L2HGDH: variants seen among roughly 807,000 people sequenced by gnomAD.
L2HGDH encodes L-2-hydroxyglutarate dehydrogenase, mitochondrial.
Under a neutral mutation model 51.5 loss-of-function variants are expected in L2HGDH, and 34 were observed. The observed-to-expected ratio is 0.66, with a 90% CI of 0.50 to 0.88. The LOEUF (loss-of-function observed/expected upper bound fraction) is 0.88, where lower values mean the gene tolerates loss of function less well. L2HGDH is among the 40% of genes least tolerant of loss of function. L2HGDH has a pLI of 0.00. For missense variants in L2HGDH, 558 were observed against 571.9 expected, an observed-to-expected ratio of 0.98 and a Z score of 0.25; for synonymous variants, 198 against 197.9, an observed-to-expected ratio of 1.00 and a Z score of -0.01.
rs71118865 is a variant in L2HGDH at position 50,308,388 on chromosome 14, GA to G, written c.140+3622del. On this transcript the variant is annotated intron_variant, in intron 1 of 9. Transcript: ENST00000267436. ...GGCAACAAGGCGAAACTCCATCTCA[GA>G]AAAAAAAAAAAAAAAAAAGTGGGCA... 2.8e-3 allele frequency among the ~76,000 whole-genome samples: 371 copies of G among 131,520 alleles called. 1 individual carries two copies. Among genetic ancestry groups the G allele is most frequent in the South Asian group, 8.9e-3 (36 of 4,026 alleles). The allele number at this position is 131,520 out of a possible 152,430, so 86.3% of individuals were successfully genotyped here. A position where few individuals can be genotyped will look rare whatever the true frequency, so the allele number is the denominator to read the frequency against.
chr14:50,277,729 C>T (rs1424671684), intron 6 of L2HGDH, among the ~76,000 whole-genome samples: 1 of 150,964 alleles, frequency 6.6e-6, no homozygotes, highest in Non-Finnish European at 1.5e-5. Flanking sequence ...GCCAAGACTG[C>T]ACCAATGGAC....
intron 4 of L2HGDH, among the ~76,000 whole-genome samples, chr14:50,293,671 T>A (rs2029878318): frequency 6.6e-6 from 1 of 152,158 alleles, no homozygotes; most frequent in South Asian, 2.1e-4. Context: ...TATCCGCCTA[T>A]CGTATAGATC....
At chr14:50,263,766 C>T (rs116713532) in intron 9 of L2HGDH, among the ~76,000 whole-genome samples, 2 of 138,124 alleles carry the variant, frequency 1.4e-5, no homozygotes, top group East Asian at 4.5e-4. Context: ...GTCTAGAAAG[C>T]CTTTTATCTT....
intron 4 of L2HGDH, chr14:50,293,130 T>C (rs889185773): frequency 3.0e-6 from 2 of 667,206 alleles, no homozygotes; most frequent in Non-Finnish European, 5.4e-6. Context: ...ATGGCTATTA[T>C]AATTAAACAT....
chr14:50,278,674 A>G lies in L2HGDH; in HGVS notation c.704-120T>C, dbSNP rs559396642. On this transcript the variant is annotated intron_variant, in intron 5 of 9. Coordinates refer to ENST00000267436, the MANE Select transcript of L2HGDH (RefSeq NM_024884.3). ...TGTCATTACTATGATTGCACCTTAC[A>G]GTTCATTCTGAAACTTTTTACCAAA... 26 of 620,892 alleles carry G rather than the reference A, an allele frequency of 4.2e-5. No individual in the cohort carries two copies. The South Asian group carries it at 4.4e-4, about 10-fold the overall frequency. 38.5% of individuals were successfully genotyped at this position (620,892 alleles called of 1,614,324 possible). A position where few individuals can be genotyped will look rare whatever the true frequency, so the allele number is the denominator to read the frequency against.
At chr14:50,282,681 T>A (rs1019101242) in intron 5 of L2HGDH, among the ~76,000 whole-genome samples, 1 of 152,166 alleles carries the variant, frequency 6.6e-6, no homozygotes, top group Non-Finnish European at 1.5e-5. Flanking sequence ...GTAATAATGG[T>A]ACCCTGCCAC....
At chr14:50,292,264 T>G (rs903138506) in intron 4 of L2HGDH, among the ~76,000 whole-genome samples, 9 of 152,224 alleles carry the variant, frequency 5.9e-5, no homozygotes, top group African/African-American at 2.2e-4. Flanking sequence ...ACAGATTCAT[T>G]GCAATCTCAG....
chr14:50,294,800 T>C (rs1054748718), intron 3 of L2HGDH, among the ~76,000 whole-genome samples: 1 of 152,248 alleles, frequency 6.6e-6, no homozygotes, highest in Admixed American at 6.5e-5. Flanking sequence ...TCAACTTATT[T>C]ATTTCTTTTC....
At chr14:50,295,523 C>T (rs919687750) in intron 3 of L2HGDH, among the ~76,000 whole-genome samples, 3 of 151,548 alleles carry the variant, frequency 2.0e-5, no homozygotes, top group Admixed American at 6.6e-5. Context: ...TCTCCCACCT[C>T]GGCCTCCCTA....
chr14:50,279,441 T>C (rs1890138710), intron 5 of L2HGDH, among the ~76,000 whole-genome samples: 1 of 152,210 alleles, frequency 6.6e-6, no homozygotes, highest in Non-Finnish European at 1.5e-5. Context: ...CCTTAGGCTG[T>C]CATTCTGACA....
At position 50,243,685 on chromosome 14, in the gene L2HGDH, A is replaced by ATATT. The variant is rs1887886326; in HGVS notation, c.*3372_*3373insAATA. The ATATT allele has an allele frequency of 5.2e-6, 1 of 193,366 alleles. No homozygotes were observed. Among genetic ancestry groups the ATATT allele is most frequent in the Non-Finnish European group, 8.6e-6 (1 of 116,098 alleles). The allele number at this position is 193,366 out of a possible 1,614,324, so 12.0% of individuals were successfully genotyped here. Reference sequence around the variant, plus strand: ...ATTTTATATATATATATATATATATATTGTTTATTATTATACTTTAAGTTT... The same window carrying ATATT: ...ATTTTATATATATATATATATATATATATTTTGTTTATTATTATACTTTAAGTTT... On this transcript the variant is annotated 3_prime_UTR_variant, in exon 10 of 10. Coordinates refer to ENST00000267436, the MANE Select transcript of L2HGDH (RefSeq NM_024884.3).
intron 9 of L2HGDH, 101 bp downstream of exon 9, chr14:50,265,257 G>T: frequency 9.9e-7 from 1 of 1,010,420 alleles, no homozygotes; most frequent in Non-Finnish European, 1.5e-6. Context: ...TGCATATGCA[G>T]ACTGACTCTG....
rs1889526442 is a variant in L2HGDH at position 50,269,233 on chromosome 14, A to G, written c.836T>C (p.Val279Ala). 1.9e-6 allele frequency: 3 copies of G among 1,614,032 alleles called. No homozygotes were observed. Among genetic ancestry groups the G allele is most frequent in the Non-Finnish European group, 1.7e-6 (2 of 1,179,926 alleles). The change falls in exon 7 of 10, where the codon GTA becomes GCA. Residue 279 changes from valine (V) to alanine (A), a missense_variant. Transcript: ENST00000267436. ...AAGCAGGTAATCTCCCCGGAATGGT[A>G]CAATTCGAGGATCAGGAGTGCAGCC... ...LSGCTPDPRI[V>A]PFRGDYLLLK...
chr14:50,265,706 G>A (rs988650961), intron 8 of L2HGDH, among the ~76,000 whole-genome samples: 3 of 152,116 alleles, frequency 2.0e-5, no homozygotes, highest in Non-Finnish European at 4.4e-5. Context: ...TTGAGGTCAC[G>A]AGTTTGAAAC....
In L2HGDH at chr14:50,306,600, GTTTT is replaced by G. The variant is rs71118864; in HGVS notation, c.141-3587_141-3584del. 3.8e-5 allele frequency among the ~76,000 whole-genome samples: 5 copies of G among 133,218 alleles called. No homozygotes were observed. The South Asian group carries it at 9.4e-4, about 25-fold the overall frequency. The allele number at this position is 133,218 out of a possible 152,430, so 87.4% of individuals were successfully genotyped here. ...TTTTGGGGGGTTTTTTTGTTTTGGGGTTTTTTTTTTTTTTTTAGATGGAGACTAG... is the reference window on the plus strand; with the variant it reads ...TTTTGGGGGGTTTTTTTGTTTTGGGGTTTTTTTTTTTTAGATGGAGACTAG... On this transcript the variant is annotated intron_variant, in intron 1 of 9. Transcript: ENST00000267436.
Position 50,247,153 on chromosome 14 carries a change from G to T in L2HGDH, c.1297C>A (p.Leu433Ile), listed in dbSNP as rs762479336. ...AGVGDIGNRI[L>I]HVRNAPSPAA... ...GGAGAAGGTGCATTTCTCACATGAA[G>T]AATGCGATTTCCAATATCCCCAACT... The change falls in exon 10 of 10, where the codon CTT (leucine) becomes ATT (isoleucine). Residue 433 changes from leucine (L) to isoleucine (I), a missense_variant. Coordinates refer to ENST00000267436, the MANE Select transcript of L2HGDH (RefSeq NM_024884.3). The T allele has an allele frequency of 6.2e-7, 1 of 1,614,106 alleles. No homozygotes were observed. The highest frequency in any genetic ancestry group is 1.7e-5 in the Admixed American group (1 of 60,016).
chr14:50,258,253 T>C (rs979635961), intron 9 of L2HGDH, among the ~76,000 whole-genome samples: 1 of 152,052 alleles, frequency 6.6e-6, no homozygotes, highest in African/African-American at 2.4e-5. Context: ...CCTCACTCTG[T>C]CACCCAGGCT....
Position 50,304,760 on chromosome 14 carries a change from A to G in L2HGDH, c.141-1743T>C, listed in dbSNP as rs995149573. On this transcript the variant is annotated intron_variant, in intron 1 of 9. Coordinates refer to ENST00000267436, the MANE Select transcript of L2HGDH (RefSeq NM_024884.3). ...TGAGGCAGGAGAATGGCGTGAACCC[A>G]GGAGGCGGAGCTTGCAGTGAGCCAA... Among the ~76,000 whole-genome samples the G allele has an allele frequency of 4.6e-5, 7 of 152,144 alleles. 1 individual carries two copies. The South Asian group carries it at 6.2e-4, about 14-fold the overall frequency.
chr14:50,300,635 A>G (rs929485247), intron 3 of L2HGDH, among the ~76,000 whole-genome samples: 28 of 152,172 alleles, frequency 1.8e-4, no homozygotes, highest in Non-Finnish European at 4.0e-4. Context: ...CATGTTGTAC[A>G]TGATAAATAT....
Sources: allele counts gnomAD v4.1 joint callset (sites outside exome capture counted in the v4.1 genomes callset), GRCh38; gene constraint gnomAD v4.1.1; transcripts MANE v1.5; gene names NCBI Gene and HGNC (gene_info 2026-07-23, HGNC 2026-07-21).